The following INTS2 variants were observed in gnomAD, a reference collection of about 807,000 sequenced individuals.
INTS2 encodes integrator complex subunit 2, also known as KIAA1287.
In INTS2, 57 loss-of-function variants were observed where a neutral mutation model predicts 139.6. That is an observed-to-expected ratio of 0.41 (90% CI 0.33 to 0.51). The LOEUF (loss-of-function observed/expected upper bound fraction) is 0.51. INTS2 is among the 20% of genes least tolerant of loss of function. The pLI is 0.28. For missense variants in INTS2, 1,196 were observed against 1,436.7 expected (o/e 0.83, Z 2.71); for synonymous variants, 473 against 493.4 (o/e 0.96, Z 0.55).
rs763370915 is a variant in INTS2 at position 61,907,445 on chromosome 17, G to T, written c.1144C>A (p.Arg382Ser). Reference protein sequence around the residue: ...EHVVKASALLRLYCALMGIAG... With the variant: ...EHVVKASALLSLYCALMGIAG... The stretch of plus-strand genomic sequence containing the variant: ...ATCCCCATCAAAGCACAGTACAGAC[G>T]TAAGAGTGCACTGGCTTTCACAACA... Residue 382 changes from arginine to serine, a missense_variant, in exon 8 of 25, where the codon CGT becomes AGT. Arg to Ser is a moderately radical substitution (Grantham distance 110). Coordinates refer to ENST00000251334, the MANE Select transcript of INTS2 (RefSeq NM_001351695.2). 2 of 1,598,340 alleles carry T rather than the reference G, an allele frequency of 1.3e-6. No homozygotes were observed. The highest frequency in any genetic ancestry group is 2.2e-5 in the East Asian group (1 of 44,494).
intron 8 of INTS2, 59 bp downstream of exon 8, chr17:61,907,349 T>G: frequency 1.4e-4 from 200 of 1,421,390 alleles, no homozygotes; most frequent in Non-Finnish European, 1.8e-4. Context: ...CTCACTTTCT[T>G]GAGAATAGAA....
chr17:61,910,603 A>AC (rs2079516912), intron 7 of INTS2: 1 of 152,048 alleles, frequency 6.6e-6, no homozygotes, highest in African/African-American at 2.4e-5. Context: ...AAAAAAAAAA[A>AC]AAAAAATAGT....
chr17:61,899,193 TGAA>T (rs2079379757), intron 9 of INTS2, among the ~76,000 whole-genome samples: 1 of 152,220 alleles, frequency 6.6e-6, no homozygotes, highest in Non-Finnish European at 1.5e-5. Flanking sequence ...AGTGTGATCT[TGAA>T]GAAGAAACAC....
Position 61,869,058 on chromosome 17 carries a change from T to C in INTS2, c.3220A>G (p.Asn1074Asp), listed in dbSNP as rs777360179. The C allele has an allele frequency of 6.2e-7, 1 of 1,609,434 alleles. No homozygotes were observed. The highest frequency in any genetic ancestry group is 1.1e-5 in the South Asian group (1 of 90,872). ...CCTGTTAACAAAGTTCCCATGACAT[T>C]GACAGCTAAACGAGCCACACTAAGT... is the stretch of plus-strand genomic sequence containing the variant. Reference protein sequence around the residue: ...KSLSVARLAVNVMGTLLTVLT... With the variant: ...KSLSVARLAVDVMGTLLTVLT... The change falls in exon 23 of 25, where the codon AAT becomes GAT. Residue 1074 changes from asparagine (N) to aspartate (D), a missense_variant. Asn to Asp is a conservative substitution (Grantham distance 23, BLOSUM62 1). Transcript: ENST00000251334. This position sits in a 1 kb window ranked among gnomAD's most constrained non-coding sequence, Gnocchi z 5.4.
At chr17:61,891,120 CCT>C (rs1457543694) in intron 14 of INTS2, among the ~76,000 whole-genome samples, 1 of 151,720 alleles carries the variant, frequency 6.6e-6, no homozygotes, top group Non-Finnish European at 1.5e-5. Context: ...ATGGTGAAAC[CCT>C]GTCTCTACTA....
chr17:61,867,780 G>A lies in INTS2; in HGVS notation c.3421+53C>T, dbSNP rs192541181. The A allele has an allele frequency of 3.2e-6, 5 of 1,559,818 alleles. No homozygotes were observed. In the African/African-American group the frequency reaches 4.1e-5, roughly 13 times the overall value. The stretch of plus-strand genomic sequence containing the variant: ...GGCCAAGAAATTTGGAAAGGAATTT[G>A]GCCTTTTTGTTTGAGATATTAAGAT... On this transcript the variant is annotated intron_variant, in intron 24 of 24. Coordinates refer to ENST00000251334, the MANE Select transcript of INTS2 (RefSeq NM_001351695.2). This position sits in a 1 kb window ranked among gnomAD's most constrained non-coding sequence, Gnocchi z 5.6.
chr17:61,891,461 G>A, intron 14 of INTS2, 52 bp downstream of exon 14: 1 of 1,365,654 alleles, frequency 7.3e-7, no homozygotes, highest in Non-Finnish European at 1.0e-6. Context: ...GGTTAAGTAA[G>A]AAGAACTAAA....
rs2079092874 is a variant in INTS2, at chr17:61,872,035, T to G, written c.2778+230A>C. 5 of 370,830 alleles carry G rather than the reference T, an allele frequency of 1.3e-5. No individual in the cohort carries two copies. The highest frequency in any genetic ancestry group is 4.1e-5 in the African/African-American group (2 of 48,278). 23.0% of individuals were successfully genotyped at this position (370,830 alleles called of 1,614,324 possible). On this transcript the variant is annotated intron_variant, in intron 20 of 24. Coordinates refer to ENST00000251334, the MANE Select transcript of INTS2 (RefSeq NM_001351695.2). This position sits in a 1 kb window ranked among gnomAD's most constrained non-coding sequence, Gnocchi z 4.8. ...AATTTTATTAAAATATAAATCTTAT[T>G]TAAATGGCTATTTCATTCATATCAT...
chr17:61,894,336 CAG>C (rs1175297290), intron 12 of INTS2: 2 of 152,430 alleles, frequency 1.3e-5, no homozygotes, highest in Non-Finnish European at 2.9e-5. Flanking sequence ...TAAATATAAA[CAG>C]AAATATTTAT....
intron 15 of INTS2, among the ~76,000 whole-genome samples, 186 bp downstream of exon 15, chr17:61,889,600 C>T (rs182464768): frequency 1.8e-4 from 27 of 152,258 alleles, no homozygotes; most frequent in Non-Finnish European, 3.4e-4. Context: ...GGCCATAAAT[C>T]GTGGTTACAT....
intron 17 of INTS2, among the ~76,000 whole-genome samples, chr17:61,880,543 C>G (rs374845336): frequency 6.6e-6 from 1 of 151,912 alleles, no homozygotes; most frequent in African/African-American, 2.4e-5. Flanking sequence ...CTCAAACTTA[C>G]AAGTTCGAGA....
intron 5 of INTS2, among the ~76,000 whole-genome samples, chr17:61,917,910 C>G (rs1165119059): frequency 6.6e-6 from 1 of 151,776 alleles, no homozygotes; most frequent in African/African-American, 2.4e-5. Context: ...TCAAATTTGA[C>G]TTGGGGAAAA....
In INTS2 at chr17:61,907,311, T is replaced by C. The variant is rs533721363; in HGVS notation, c.1181+97A>G. On this transcript the variant is annotated intron_variant, in intron 8 of 24. Coordinates refer to ENST00000251334, the MANE Select transcript of INTS2 (RefSeq NM_001351695.2). ...CCACTACCTGAGTCCAACAGAAAAC[T>C]TTAATCCTCTGAATAAAAGGCCTTT... The C allele has an allele frequency of 7.4e-4, 770 of 1,039,326 alleles. 6 individuals are homozygous for C. The highest frequency in any genetic ancestry group is 4.3e-3 in the African/African-American group (267 of 62,474). 64.4% of individuals were successfully genotyped at this position (1,039,326 alleles called of 1,614,324 possible).
Position 61,869,086 on chromosome 17 carries a change from C to T in INTS2, c.3192G>A (p.Lys1064=), listed in dbSNP as rs752601913. The T allele has an allele frequency of 2.5e-6, 4 of 1,613,092 alleles. No individual in the cohort carries two copies. The South Asian group carries it at 4.4e-5, about 18-fold the overall frequency. ...SHLCIQYALP[K]SLSVARLAVN... is the part of the protein sequence containing the mutation. ...CAGCTAAACGAGCCACACTAAGTGA[C>T]TTTGGTAATGCATATTGTATACACA... Residue 1064 remains lysine, a synonymous_variant, in exon 23 of 25, where the codon AAG becomes AAA. Coordinates refer to ENST00000251334, the MANE Select transcript of INTS2 (RefSeq NM_001351695.2). This position sits in a 1 kb window ranked among gnomAD's most constrained non-coding sequence, Gnocchi z 5.4.
intron 15 of INTS2, among the ~76,000 whole-genome samples, chr17:61,886,120 G>GT (rs2079226513): frequency 6.6e-6 from 1 of 151,690 alleles, no homozygotes; most frequent in Non-Finnish European, 1.5e-5. Flanking sequence ...GTTCAATCTT[G>GT]GCTCACTGCA....
chr17:61,881,031 G>T lies in INTS2; in HGVS notation c.2230C>A (p.His744Asn), dbSNP rs2079173371. The T allele has an allele frequency of 1.2e-6, 2 of 1,613,688 alleles. No individual in the cohort carries two copies. The highest frequency in any genetic ancestry group is 8.5e-7 in the Non-Finnish European group (1 of 1,179,764). The stretch of plus-strand genomic sequence containing the variant: ...CCTTCTTGGAGTTGTTTGGGAGAAT[G>T]ATTTTTAGCATTATTAGTCAGGAGC... ...RMLLTNNAKN[H>N]SPKQLQEAFS... Residue 744 changes from histidine (H) to asparagine (N), a missense_variant, in exon 17 of 25, where the codon CAT becomes AAT. Transcript: ENST00000251334.
chr17:61,866,986 T>A lies in INTS2; in HGVS notation c.*571A>T, dbSNP rs1243247870. Reference sequence around the variant, plus strand: ...AATCATTTACAAAAGCTACTTGCCTTTTTAAAAGTCTTCTCAATACTCTTT... The same window carrying A: ...AATCATTTACAAAAGCTACTTGCCTATTTAAAAGTCTTCTCAATACTCTTT... On this transcript the variant is annotated 3_prime_UTR_variant, in exon 25 of 25. Transcript: ENST00000251334. 1 of 152,218 alleles carries A rather than the reference T, an allele frequency of 6.6e-6. No homozygotes were observed. The highest frequency in any genetic ancestry group is 6.5e-5 in the Admixed American group (1 of 15,278). The allele number at this position is 152,218 out of a possible 1,614,324, so 9.4% of individuals were successfully genotyped here.
chr17:61,886,785 A>G (rs997275719), intron 15 of INTS2, among the ~76,000 whole-genome samples: 5 of 152,242 alleles, frequency 3.3e-5, no homozygotes, highest in Non-Finnish European at 7.3e-5. Context: ...CAATGTGTTT[A>G]TTCTCTTACA....
At chr17:61,878,934 A>G (rs1002015699) in intron 17 of INTS2, among the ~76,000 whole-genome samples, 1 of 148,190 alleles carries the variant, frequency 6.7e-6, no homozygotes, top group Non-Finnish European at 1.5e-5. Flanking sequence ...CTGTCTCCAA[A>G]AAAAAAAAAA....
Sources: gnomAD v4.1 joint callset for allele counts (sites outside exome capture counted in the v4.1 genomes callset) on GRCh38, gnomAD v4.1.1 for gene constraint, Gnocchi (gnomAD v3.1) non-coding constraint, MANE v1.5 for transcripts, NCBI Gene and HGNC (gene_info 2026-07-23, HGNC 2026-07-21) for gene names.